Variants in SARAF observed in about 807,000 individuals in gnomAD.
SARAF encodes store-operated calcium entry-associated regulatory factor.
A neutral mutation model predicts 39.7 loss-of-function variants in SARAF; 23 were observed. The observed-to-expected ratio is 0.58, with a 90% CI of 0.42 to 0.82. The LOEUF is 0.82. Among genes scored for constraint, SARAF ranks in the 40% least tolerant of loss-of-function variants. SARAF has a pLI of 0.00. For synonymous variants in SARAF, 175 were observed against 168.5 expected (o/e 1.04, Z -0.30); for missense variants, 384 against 418.5 (o/e 0.92, Z 0.72).
Position 30,082,928 on chromosome 8 carries a change from C to T in SARAF, c.22G>A (p.Gly8Arg). Residue 8 changes from glycine (G) to arginine (R), a missense_variant, in exon 1 of 6, where the codon GGA becomes AGA. Transcript: ENST00000256255. The part of the protein sequence containing the change: MAAACGP[G>R]AAGYCLLLGL... ...AGGAGCAAGCAGTACCCGGCCGCTCCCGGCCCGCAGGCTGCGGCCATGGCG... is the reference window on the plus strand; with the variant it reads ...AGGAGCAAGCAGTACCCGGCCGCTCTCGGCCCGCAGGCTGCGGCCATGGCG... 1 of 1,548,718 alleles carries T rather than the reference C, an allele frequency of 6.5e-7. No individual in the cohort carries two copies. Among genetic ancestry groups the T allele is most frequent in the Non-Finnish European group, 8.7e-7 (1 of 1,147,984 alleles).
rs1333078128 is a variant in SARAF at position 30,063,776 on chromosome 8, CT to C, written c.*111del. 5.3e-6 allele frequency: 5 copies of C among 949,068 alleles called. No homozygotes were observed. The highest frequency in any genetic ancestry group is 8.5e-6 in the Non-Finnish European group (5 of 585,032). The allele number at this position is 949,068 out of a possible 1,614,324, so 58.8% of individuals were successfully genotyped here. A position where few individuals can be genotyped will look rare whatever the true frequency, so the allele number is the denominator to read the frequency against. On this transcript the variant is annotated 3_prime_UTR_variant, in exon 6 of 6. Transcript: ENST00000256255. ...CTACACTGGACATAACACCACAGAA[CT>C]TTTGAATATCCCCTTTTCCCAATTG... is the stretch of plus-strand genomic sequence containing the variant.
intron 3 of SARAF, among the ~76,000 whole-genome samples, chr8:30,068,329 G>A (rs1311566236): frequency 2.0e-5 from 3 of 152,102 alleles, no homozygotes; most frequent in East Asian, 1.9e-4. Context: ...GCACATGCGA[G>A]GGATCTAGGT....
At chr8:30,065,764 A>G (rs1393573613) in intron 5 of SARAF, 1 of 518,168 alleles carries the variant, frequency 1.9e-6, no homozygotes, top group Admixed American at 3.1e-5. Context: ...AGTAAGGTTC[A>G]AGTTAAAACC....
chr8:30,067,642 G>T (rs191869767), intron 3 of SARAF, among the ~76,000 whole-genome samples: 7 of 152,250 alleles, frequency 4.6e-5, no homozygotes, highest in African/African-American at 1.7e-4. Context: ...GGATCACAAA[G>T]TATGTATTCT....
chr8:30,078,360 C>A (rs749032888), intron 1 of SARAF: 1 of 387,034 alleles, frequency 2.6e-6, no homozygotes, highest in South Asian at 1.9e-5. Flanking sequence ...AAGGGCCCAA[C>A]AAATACCCAG....
At position 30,066,083 on chromosome 8, in the gene SARAF, G is replaced by C. The variant is rs1801682106; in HGVS notation, c.899C>G (p.Pro300Arg). 6.2e-7 allele frequency: 1 copy of C among 1,614,166 alleles called. No individual in the cohort carries two copies. The highest frequency in any genetic ancestry group is 8.5e-7 in the Non-Finnish European group (1 of 1,180,026). Residue 300 changes from proline to arginine, a missense_variant, in exon 5 of 6, where the codon CCT becomes CGT. Transcript: ENST00000256255. ...TGAGTAAGCCCTATTCCACGTGCCAGGGTAGGAGGGAGGATAGGACGGGTA... is the reference window on the plus strand; with the variant it reads ...TGAGTAAGCCCTATTCCACGTGCCACGGTAGGAGGGAGGATAGGACGGGTA... ...WYYPSYPPSYPGTWNRAYSPL... is the reference protein window; with the variant it reads ...WYYPSYPPSYRGTWNRAYSPL...
At chr8:30,065,564 T>G (rs1240030908) in intron 5 of SARAF, 1 of 172,388 alleles carries the variant, frequency 5.8e-6, no homozygotes, top group Non-Finnish European at 1.3e-5. Context: ...GTATCTTTGC[T>G]TTTTACAAAA....
chr8:30,066,747 G>T (rs748145149), intron 4 of SARAF, 30 bp downstream of exon 4: 2 of 1,551,688 alleles, frequency 1.3e-6, no homozygotes, highest in South Asian at 2.3e-5. Context: ...TTGAATTAAA[G>T]AGCAAGTGAG....
intron 5 of SARAF, among the ~76,000 whole-genome samples, chr8:30,064,562 T>TATATATATATATATATATATA (rs1182365966): frequency 2.7e-4 from 5 of 18,644 alleles, no homozygotes; most frequent in Non-Finnish European, 2.9e-4. Context: ...TATATATATA[T>TATATATATATATATATATATA]TTTTTTTTTT....
intron 1 of SARAF, among the ~76,000 whole-genome samples, chr8:30,076,766 ACTCT>A (rs1239188207): frequency 6.6e-6 from 1 of 151,606 alleles, no homozygotes; most frequent in Non-Finnish European, 1.5e-5. Flanking sequence ...CCCCTCTCTC[ACTCT>A]CTCCCTTCTG....
At chr8:30,069,134 ATTTTTTTTT>A (rs36096551) in intron 3 of SARAF, among the ~76,000 whole-genome samples, 17 of 97,830 alleles carry the variant, frequency 1.7e-4, no homozygotes, top group Non-Finnish European at 2.6e-4. Flanking sequence ...TTAATCAGGC[ATTTTTTTTT>A]TTTTTTTTTT....
chr8:30,064,534 CATATATATAT>C lies in SARAF; in HGVS notation c.995-631_995-622del, dbSNP rs71204255. On this transcript the variant is annotated intron_variant, in intron 5 of 5. Coordinates refer to ENST00000256255, the MANE Select transcript of SARAF (RefSeq NM_016127.6). ...TTTCTGTCATGATGTCTTACCTAGC[CATATATATAT>C]ATATATATATATATATATTTTTTTT... Among the ~76,000 whole-genome samples the C allele has an allele frequency of 2.9e-3, 223 of 78,176 alleles. 46 individuals carry two copies. The highest frequency in any genetic ancestry group is 7.0e-3 in the Middle Eastern group (1 of 142). 51.3% of individuals were successfully genotyped at this position (78,176 alleles called of 152,430 possible).
At chr8:30,082,625 G>GCCGTC (rs1201599351) in intron 1 of SARAF, 1 of 454,036 alleles carries the variant, frequency 2.2e-6, no homozygotes, top group African/African-American at 2.1e-5. Context: ...AGGATCTCCA[G>GCCGTC]CCGTCCCGCC....
intron 3 of SARAF, 163 bp from the exon 4 acceptor site, chr8:30,067,081 C>CCTTTT: frequency 1.3e-6 from 1 of 740,982 alleles, no homozygotes; most frequent in Non-Finnish European, 2.2e-6. Flanking sequence ...TTGTAAAATA[C>CCTTTT]TGGTTTATAA....
intron 1 of SARAF, among the ~76,000 whole-genome samples, chr8:30,079,337 T>G (rs1802049718): frequency 6.6e-6 from 1 of 152,170 alleles, no homozygotes; most frequent in Non-Finnish European, 1.5e-5. Flanking sequence ...TAAATAGCAC[T>G]GGCATAATTG....
chr8:30,079,158 CA>C (rs60893961), intron 1 of SARAF, among the ~76,000 whole-genome samples: 13,405 of 54,652 alleles, frequency 0.25, 326 homozygotes, highest in East Asian at 0.36. Context: ...AACTCCATCT[CA>C]AAAAAAAAAA....
intron 3 of SARAF, among the ~76,000 whole-genome samples, chr8:30,067,691 A>G (rs573651346): frequency 6.6e-6 from 1 of 152,362 alleles, no homozygotes; most frequent in East Asian, 1.9e-4. Flanking sequence ...AGTCAATCCT[A>G]CCATTGCATT....
At chr8:30,064,384 G>A (rs1444972053) in intron 5 of SARAF, among the ~76,000 whole-genome samples, 2 of 151,486 alleles carry the variant, frequency 1.3e-5, no homozygotes, top group African/African-American at 4.9e-5. Context: ...TATCTAGAAA[G>A]TCTCTCAATT....
intron 1 of SARAF, among the ~76,000 whole-genome samples, chr8:30,081,348 T>G (rs952106421): frequency 6.6e-6 from 1 of 152,242 alleles, no homozygotes; most frequent in East Asian, 1.9e-4. Context: ...TCTTCAACTG[T>G]AAACTTCCTT....
Sources: gnomAD v4.1 joint callset for allele counts (sites outside exome capture counted in the v4.1 genomes callset) on GRCh38, gnomAD v4.1.1 for gene constraint, MANE v1.5 for transcripts, NCBI Gene and HGNC (gene_info 2026-07-23, HGNC 2026-07-21) for gene names.